The following RPS6KC1 variants were observed in gnomAD, a reference collection of about 807,000 sequenced individuals.
RPS6KC1 encodes the protein ribosomal protein S6 kinase C1.
In RPS6KC1, 54 loss-of-function variants were observed where a neutral mutation model predicts 103.8. That is an observed-to-expected ratio of 0.52 (90% CI 0.42 to 0.65). The LOEUF (loss-of-function observed/expected upper bound fraction) is 0.65, where lower values mean the gene tolerates loss of function less well. Among genes scored for constraint, RPS6KC1 ranks in the 30% least tolerant of loss-of-function variants. The pLI is 0.00. For missense variants in RPS6KC1, 1,151 were observed against 1,253.8 expected (o/e 0.92, Z 1.24); for synonymous variants, 439 against 438.7 (o/e 1.00, Z -0.01).
chr1:213,742,832 T>A, the RPS6KC1 span, among the ~76,000 whole-genome samples: 3 of 152,186 alleles, frequency 2.0e-5, no homozygotes, highest in East Asian at 5.8e-4. Context: ...GGATTCTCCA[T>A]GTTGGTAAAA....
intron 12 of RPS6KC1, among the ~76,000 whole-genome samples, chr1:213,261,315 G>A (rs566647507): frequency 2.0e-5 from 3 of 151,820 alleles, no homozygotes; most frequent in Non-Finnish European, 4.4e-5. Flanking sequence ...CATCTTGAAG[G>A]TGTCCCTCTA....
the RPS6KC1 span, among the ~76,000 whole-genome samples, chr1:213,669,655 G>A: frequency 1.8e-4 from 27 of 152,144 alleles, no homozygotes; most frequent in African/African-American, 4.8e-4. Context: ...CACAATGTCC[G>A]TAAAACGCAA....
chr1:213,481,258 A>G, the RPS6KC1 span, among the ~76,000 whole-genome samples: 1 of 152,216 alleles, frequency 6.6e-6, no homozygotes, highest in African/African-American at 2.4e-5. Context: ...TATTATCTAG[A>G]GCACAGCCAA....
chr1:213,720,454 C>T, the RPS6KC1 span, among the ~76,000 whole-genome samples: 1 of 152,198 alleles, frequency 6.6e-6, no homozygotes, highest in African/African-American at 2.4e-5. Context: ...GGAAGCAACT[C>T]AAATACATTC....
At chr1:213,284,955 T>C in the RPS6KC1 span, among the ~76,000 whole-genome samples, 1 of 152,238 alleles carries the variant, frequency 6.6e-6, no homozygotes, top group Non-Finnish European at 1.5e-5. Context: ...CCAAGGATTT[T>C]ATATCCAGCA....
At chr1:213,674,063 G>C in the RPS6KC1 span, among the ~76,000 whole-genome samples, 16 of 152,188 alleles carry the variant, frequency 1.1e-4, no homozygotes, top group African/African-American at 3.4e-4. Flanking sequence ...ATGTTGCCCA[G>C]GTTGGAGTGC....
chr1:213,709,713 A>C, the RPS6KC1 span, among the ~76,000 whole-genome samples: 4 of 152,248 alleles, frequency 2.6e-5, no homozygotes, highest in Middle Eastern at 3.4e-3. Flanking sequence ...ATATTGGTAC[A>C]TTGTGTGTTT....
the RPS6KC1 span, among the ~76,000 whole-genome samples, chr1:213,670,676 T>C: frequency 6.6e-6 from 1 of 152,304 alleles, no homozygotes; most frequent in Middle Eastern, 3.4e-3. Flanking sequence ...GGGCTGCACC[T>C]GCCAGGCAAG....
the RPS6KC1 span, among the ~76,000 whole-genome samples, chr1:213,791,430 AC>A: frequency 2.0e-5 from 3 of 152,120 alleles, no homozygotes; most frequent in Admixed American, 6.5e-5. Context: ...AATCTAACAA[AC>A]ATATGCAAGT....
chr1:213,566,429 A>T, the RPS6KC1 span, among the ~76,000 whole-genome samples: 1 of 68,346 alleles, frequency 1.5e-5, no homozygotes, highest in Non-Finnish European at 3.0e-5. Context: ...GGAACTTCTC[A>T]GCCTTTAGTT....
At chr1:213,365,053 T>C in the RPS6KC1 span, among the ~76,000 whole-genome samples, 11 of 152,232 alleles carry the variant, frequency 7.2e-5, no homozygotes, top group Admixed American at 6.5e-5. Flanking sequence ...TCTTGAGCTC[T>C]TTGGTACCCA....
In RPS6KC1 at chr1:213,087,563, C is replaced by T. The variant is rs570237096; in HGVS notation, c.262+9747C>T. The stretch of plus-strand genomic sequence containing the variant: ...GTGAATACACTGTTAAGCTTAGCAA[C>T]GGAGGGCACTCCATTTCAGGAGTAT... On this transcript the variant is annotated intron_variant, in intron 3 of 14. Transcript: ENST00000366960. 2.1e-3 allele frequency among the ~76,000 whole-genome samples: 315 copies of T among 152,266 alleles called. 2 individuals carry two copies. Among genetic ancestry groups the T allele is most frequent in the African/African-American group, 7.0e-3 (292 of 41,554 alleles).
At chr1:213,343,592 G>A in the RPS6KC1 span, among the ~76,000 whole-genome samples, 29 of 151,316 alleles carry the variant, frequency 1.9e-4, no homozygotes, top group African/African-American at 6.5e-4. Flanking sequence ...TGAGAGCTAA[G>A]CTATGAGGAT....
At chr1:213,212,135 T>C (rs2093524571) in intron 8 of RPS6KC1, among the ~76,000 whole-genome samples, 1 of 152,190 alleles carries the variant, frequency 6.6e-6, no homozygotes, top group African/African-American at 2.4e-5. Flanking sequence ...GTGTTGTACA[T>C]TCTGTGGGTT....
At chr1:213,665,232 C>T in the RPS6KC1 span, among the ~76,000 whole-genome samples, 6 of 151,010 alleles carry the variant, frequency 4.0e-5, no homozygotes, top group Non-Finnish European at 7.4e-5. Flanking sequence ...ACACATTTTT[C>T]GATGTCAAAA....
chr1:213,660,175 T>C, the RPS6KC1 span, among the ~76,000 whole-genome samples: 1 of 152,342 alleles, frequency 6.6e-6, no homozygotes, highest in African/African-American at 2.4e-5. Flanking sequence ...GGCAAGTTTA[T>C]TTTGTAATAA....
chr1:213,151,079 C>T (rs868189547), intron 6 of RPS6KC1, among the ~76,000 whole-genome samples: 4 of 142,652 alleles, frequency 2.8e-5, no homozygotes, highest in South Asian at 2.3e-4. Flanking sequence ...CGGGCAGAGG[C>T]GCCCCTCACC....
chr1:213,698,953 G>A, the RPS6KC1 span, among the ~76,000 whole-genome samples: 440 of 151,288 alleles, frequency 2.9e-3, 13 homozygotes, highest in East Asian at 0.074. Context: ...ATATTTTGAG[G>A]GTACGTGAGA....
At chr1:213,119,934 A>G (rs910095803) in intron 5 of RPS6KC1, among the ~76,000 whole-genome samples, 2 of 152,190 alleles carry the variant, frequency 1.3e-5, no homozygotes, top group East Asian at 3.8e-4. Context: ...CAGTGCTATT[A>G]ATAATTATAC....
Sources: gnomAD v4.1 joint callset for allele counts (sites outside exome capture counted in the v4.1 genomes callset) on GRCh38, gnomAD v4.1.1 for gene constraint, MANE v1.5 for transcripts, NCBI Gene and HGNC (gene_info 2026-07-23, HGNC 2026-07-21) for gene names.